The following SORCS2 variants were observed in gnomAD, a reference collection of about 807,000 sequenced individuals.
SORCS2 encodes the protein VPS10 domain-containing receptor SorCS2.
In SORCS2, 100 loss-of-function variants were observed where a neutral mutation model predicts 141.6. The ratio of observed to expected loss-of-function variants is 0.71; its 90% confidence interval spans 0.60 to 0.83. The LOEUF is 0.83. Ranked by LOEUF, SORCS2 falls within the 40% of genes least tolerant of loss-of-function variation. The pLI, the probability that SORCS2 is intolerant of heterozygous loss-of-function variation, is 0.00. For synonymous variants in SORCS2, 789 were observed against 676.9 expected (o/e 1.17, Z -2.57); for missense variants, 1,646 against 1,560.2 (o/e 1.05, Z -0.93).
chr4:7,479,972 T>C (rs1269056906), intron 2 of SORCS2, among the ~76,000 whole-genome samples: 1 of 152,218 alleles, frequency 6.6e-6, no homozygotes, highest in African/African-American at 2.4e-5. Flanking sequence ...CCGTGACACC[T>C]GGTAGTGAAT....
At position 7,501,988 on chromosome 4, in the gene SORCS2, C is replaced by T. The variant is rs1016278264; in HGVS notation, c.549-29542C>T. Among the ~76,000 whole-genome samples, 54 of 152,340 alleles carry T rather than the reference C, an allele frequency of 3.5e-4. 1 individual carries two copies. In the Middle Eastern group the frequency reaches 0.017, roughly 48 times the overall value. On this transcript the variant is annotated intron_variant, in intron 2 of 26. Coordinates refer to ENST00000507866, the MANE Select transcript of SORCS2 (RefSeq NM_020777.3). ...TGGGCGCACTCCCGGCTTCTGTGGACGCTGAATGGGTCGTGGTCCCGCCCC... is the reference window on the plus strand; with the variant it reads ...TGGGCGCACTCCCGGCTTCTGTGGATGCTGAATGGGTCGTGGTCCCGCCCC...
intron 3 of SORCS2, among the ~76,000 whole-genome samples, chr4:7,604,586 G>A (rs575464634): frequency 1.1e-4 from 16 of 152,260 alleles, no homozygotes; most frequent in South Asian, 6.2e-4. Flanking sequence ...GGCATGAGCC[G>A]CCGCGCCCGG....
rs1205157357 is a variant in SORCS2, at chr4:7,221,844, T to TCC, written c.480+28718_480+28719insCC. ...AGTTAAGCATATATTTAAGGAGTAT[T>TCC]TTCTGAGTGTTTGGCCCTGTGGTAG... On this transcript the variant is annotated intron_variant, in intron 1 of 26. Coordinates refer to ENST00000507866, the MANE Select transcript of SORCS2 (RefSeq NM_020777.3). Among the ~76,000 whole-genome samples, 974 of 152,322 alleles carry TCC rather than the reference T, an allele frequency of 6.4e-3. 8 individuals are homozygous for TCC. Among genetic ancestry groups the TCC allele is most frequent in the African/African-American group, 0.022 (934 of 41,564 alleles).
intron 2 of SORCS2, among the ~76,000 whole-genome samples, chr4:7,441,198 A>T (rs2884809): frequency 1.3e-5 from 2 of 152,130 alleles, no homozygotes; most frequent in South Asian, 2.1e-4. Flanking sequence ...GAGTGAGGCT[A>T]GAAGGAGTTG....
intron 12 of SORCS2, among the ~76,000 whole-genome samples, chr4:7,699,367 G>T (rs946831177): frequency 6.6e-6 from 1 of 152,190 alleles, no homozygotes; most frequent in Non-Finnish European, 1.5e-5. Context: ...CACTCCATTC[G>T]TCTCCTCCTG....
intron 3 of SORCS2, among the ~76,000 whole-genome samples, chr4:7,619,491 T>C (rs907990506): frequency 2.0e-5 from 3 of 152,166 alleles, no homozygotes; most frequent in Non-Finnish European, 4.4e-5. Context: ...ACCTCTTCAG[T>C]CCACACTCAG....
chr4:7,619,556 T>C (rs1719012345), intron 3 of SORCS2, among the ~76,000 whole-genome samples: 1 of 152,138 alleles, frequency 6.6e-6, no homozygotes, highest in Non-Finnish European at 1.5e-5. Context: ...GAATTGGTAT[T>C]AGGCAGGCAG....
chr4:7,727,167 C>T (rs1314294680), intron 21 of SORCS2, among the ~76,000 whole-genome samples: 1 of 152,244 alleles, frequency 6.6e-6, no homozygotes, highest in Non-Finnish European at 1.5e-5. Flanking sequence ...GGACAGAACA[C>T]ACCAGGGACA....
chr4:7,237,507 C>T (rs1041575212), intron 1 of SORCS2, among the ~76,000 whole-genome samples: 2 of 152,198 alleles, frequency 1.3e-5, no homozygotes, highest in Admixed American at 6.5e-5. Flanking sequence ...AGACTAGGCA[C>T]TGACTCTAGC....
At chr4:7,311,341 T>C (rs1718172355) in intron 1 of SORCS2, among the ~76,000 whole-genome samples, 1 of 152,236 alleles carries the variant, frequency 6.6e-6, no homozygotes, top group Non-Finnish European at 1.5e-5. Flanking sequence ...GGGATGTTTC[T>C]AGGCTTTGGC....
intron 2 of SORCS2, among the ~76,000 whole-genome samples, chr4:7,409,222 C>A (rs1725156024): frequency 6.6e-6 from 1 of 152,192 alleles, no homozygotes; most frequent in Non-Finnish European, 1.5e-5. Context: ...TTCTTTACTG[C>A]TAGGCCACTG....
chr4:7,438,304 C>T (rs972019876), intron 2 of SORCS2, among the ~76,000 whole-genome samples: 2 of 152,230 alleles, frequency 1.3e-5, no homozygotes, highest in Non-Finnish European at 2.9e-5. Context: ...TCTGACTGGG[C>T]TTTCCTCTTG....
chr4:7,434,029 C>G (rs768839461), intron 2 of SORCS2: 1 of 1,611,660 alleles, frequency 6.2e-7, no homozygotes, highest in Non-Finnish European at 8.5e-7. Flanking sequence ...CTGCATCTCG[C>G]TCTGTTTCCT....
At chr4:7,723,670 G>A in intron 18 of SORCS2, 27 bp from the exon 19 acceptor site, 1 of 1,613,236 alleles carries the variant, frequency 6.2e-7, no homozygotes, top group African/African-American at 1.3e-5. Context: ...GCCCACTCCT[G>A]AGTGGCCACA....
chr4:7,737,374 C>T (rs1209358061), intron 26 of SORCS2, among the ~76,000 whole-genome samples: 3 of 152,032 alleles, frequency 2.0e-5, no homozygotes, highest in East Asian at 1.9e-4. Flanking sequence ...ACAGGGCTGC[C>T]GGCAGAGATG....
At chr4:7,548,252 G>A (rs1250492649) in intron 3 of SORCS2, among the ~76,000 whole-genome samples, 1 of 152,124 alleles carries the variant, frequency 6.6e-6, no homozygotes, top group African/African-American at 2.4e-5. Context: ...GGAATACATT[G>A]GGAAGTCACC....
chr4:7,278,071 C>T (rs1715625397), intron 1 of SORCS2, among the ~76,000 whole-genome samples: 1 of 152,164 alleles, frequency 6.6e-6, no homozygotes, highest in Non-Finnish European at 1.5e-5. Context: ...CAGCAATTGG[C>T]TGAAGATTGC....
intron 2 of SORCS2, among the ~76,000 whole-genome samples, chr4:7,492,407 G>A (rs538832009): frequency 9.2e-5 from 14 of 152,202 alleles, no homozygotes; most frequent in South Asian, 4.1e-4. Flanking sequence ...GACAGGGGTC[G>A]TCCCTTCTTC....
intron 3 of SORCS2, among the ~76,000 whole-genome samples, chr4:7,636,037 C>T (rs183673541): frequency 1.8e-3 from 280 of 152,344 alleles, no homozygotes; most frequent in Non-Finnish European, 3.2e-3. Flanking sequence ...TGGGGTCTAG[C>T]AAGGCCACCA....
Sources: allele counts gnomAD v4.1 joint callset (sites outside exome capture counted in the v4.1 genomes callset), GRCh38; gene constraint gnomAD v4.1.1; transcripts MANE v1.5; gene names NCBI Gene and HGNC (gene_info 2026-07-23, HGNC 2026-07-21).